TENM3: variants seen among roughly 807,000 people sequenced by gnomAD.
TENM3 encodes teneurin-3.
Under a neutral mutation model 255.1 loss-of-function variants are expected in TENM3, and 63 were observed. The ratio of observed to expected loss-of-function variants is 0.25; its 90% CI spans 0.20 to 0.30. The LOEUF (loss-of-function observed/expected upper bound fraction) is 0.30. Among genes scored for constraint, TENM3 ranks in the 10% least tolerant of loss-of-function variants. TENM3 has a pLI of 1.00. For synonymous variants in TENM3, 1,306 were observed against 1,322.3 expected, an observed-to-expected ratio of 0.99 and a Z score of 0.27; for missense variants, 2,929 against 3,461.1, an observed-to-expected ratio of 0.85 and a Z score of 3.86.
chr4:182,305,747 C>A (rs755929301), intron 1 of TENM3, among the ~76,000 whole-genome samples: 5 of 152,210 alleles, frequency 3.3e-5, no homozygotes, highest in Admixed American at 6.5e-5. Context: ...AATGATCAGA[C>A]TGTGTCCTGT....
chr4:182,688,546 T>C (rs1053995331), intron 12 of TENM3, among the ~76,000 whole-genome samples, 195 bp downstream of exon 12: 6 of 152,362 alleles, frequency 3.9e-5, no homozygotes, highest in South Asian at 2.1e-4. Context: ...CTGTCACAAG[T>C]ATGAGCTATA....
chr4:181,695,676 G>C, the TENM3 span, among the ~76,000 whole-genome samples: 1 of 152,152 alleles, frequency 6.6e-6, no homozygotes, highest in Non-Finnish European at 1.5e-5. Context: ...AGAGATAATT[G>C]TTTTGGGTTG....
chr4:182,384,806 A>T (rs1767799478), intron 3 of TENM3, among the ~76,000 whole-genome samples: 1 of 151,026 alleles, frequency 6.6e-6, no homozygotes. Context: ...GTCCCCCTTT[A>T]TTCCCTCTTG....
At chr4:181,595,438 A>AC in the TENM3 span, among the ~76,000 whole-genome samples, 11 of 148,022 alleles carry the variant, frequency 7.4e-5, no homozygotes, top group African/African-American at 2.4e-4. Flanking sequence ...CCCAAAAAAA[A>AC]AAAAAAAAAA....
chr4:182,679,239 A>G (rs544079636), intron 7 of TENM3, among the ~76,000 whole-genome samples: 1 of 152,304 alleles, frequency 6.6e-6, no homozygotes, highest in African/African-American at 2.4e-5. Flanking sequence ...AATGATGGAT[A>G]CCAGAGGCCG....
the TENM3 span, among the ~76,000 whole-genome samples, chr4:181,715,759 A>G: frequency 1.3e-5 from 2 of 152,214 alleles, no homozygotes; most frequent in African/African-American, 4.8e-5. Context: ...AATTTCCAAA[A>G]TGCCCTAGTG....
chr4:181,849,665 T>G, the TENM3 span, among the ~76,000 whole-genome samples: 1 of 152,196 alleles, frequency 6.6e-6, no homozygotes, highest in African/African-American at 2.4e-5. Flanking sequence ...ATCCTTCAAG[T>G]TGATGTATGT....
At chr4:181,831,510 A>AC in the TENM3 span, among the ~76,000 whole-genome samples, 1 of 151,876 alleles carries the variant, frequency 6.6e-6, no homozygotes, top group African/African-American at 2.4e-5. Context: ...AAAAAAAAAA[A>AC]AACCTGATTT....
At chr4:181,710,372 G>A in the TENM3 span, among the ~76,000 whole-genome samples, 1 of 152,102 alleles carries the variant, frequency 6.6e-6, no homozygotes, top group Non-Finnish European at 1.5e-5. Flanking sequence ...ATGCAGACTG[G>A]GAGGAGCACG....
chr4:182,259,558 C>T (rs1269682981), intron 1 of TENM3, among the ~76,000 whole-genome samples: 1 of 152,158 alleles, frequency 6.6e-6, no homozygotes, highest in Non-Finnish European at 1.5e-5. Flanking sequence ...AGCAAGCATT[C>T]TGCCTCTGCC....
the TENM3 span, among the ~76,000 whole-genome samples, chr4:181,610,449 G>T: frequency 2.2e-4 from 34 of 152,178 alleles, 1 homozygote; most frequent in Admixed American, 1.8e-3. Context: ...CCCGGGTTTT[G>T]TCAACCTAGT....
intron 22 of TENM3, chr4:182,772,487 T>C (rs985106183): frequency 7.2e-5 from 11 of 152,174 alleles, no homozygotes; most frequent in Non-Finnish European, 1.6e-4. Context: ...AGAATCAATC[T>C]GAAATCCACC....
At chr4:181,695,241 C>G in the TENM3 span, among the ~76,000 whole-genome samples, 2 of 151,950 alleles carry the variant, frequency 1.3e-5, no homozygotes, top group Non-Finnish European at 2.9e-5. Flanking sequence ...GGACACATAG[C>G]TAAAGATGGC....
chr4:181,690,490 T>C, the TENM3 span, among the ~76,000 whole-genome samples: 1 of 152,198 alleles, frequency 6.6e-6, no homozygotes, highest in Non-Finnish European at 1.5e-5. Flanking sequence ...AATGGACATA[T>C]AAGCCTTTAA....
intron 1 of TENM3, among the ~76,000 whole-genome samples, chr4:182,150,125 C>T (rs576257781): frequency 4.6e-5 from 7 of 151,278 alleles, no homozygotes; most frequent in African/African-American, 1.5e-4. Context: ...GGGATGGGAT[C>T]ATATTAATAA....
chr4:181,595,443 A>AACAAAAAAAAAAAC, the TENM3 span, among the ~76,000 whole-genome samples: 2 of 130,770 alleles, frequency 1.5e-5, no homozygotes, highest in African/African-American at 6.7e-5. Flanking sequence ...AAAAAAAAAA[A>AACAAAAAAAAAAAC]AAAAAAAAAA....
At chr4:182,506,760 A>G (rs1385815282) in intron 3 of TENM3, among the ~76,000 whole-genome samples, 1 of 152,224 alleles carries the variant, frequency 6.6e-6, no homozygotes, top group Non-Finnish European at 1.5e-5. Flanking sequence ...AGTATGGAGT[A>G]GGTGAACTTG....
intron 12 of TENM3, among the ~76,000 whole-genome samples, chr4:182,692,268 T>C (rs1164056809): frequency 6.6e-6 from 1 of 152,216 alleles, no homozygotes; most frequent in Admixed American, 6.5e-5. Context: ...TAGGCTCTGC[T>C]GAACAGATGG....
chr4:181,719,531 T>A, the TENM3 span, among the ~76,000 whole-genome samples: 1 of 152,214 alleles, frequency 6.6e-6, no homozygotes, highest in Non-Finnish European at 1.5e-5. Flanking sequence ...CACTGTGTCC[T>A]CACACGGTGG....
Sources: allele counts gnomAD v4.1 joint callset (sites outside exome capture counted in the v4.1 genomes callset), GRCh38; gene constraint gnomAD v4.1.1; transcripts MANE v1.5; gene names NCBI Gene and HGNC (gene_info 2026-07-23, HGNC 2026-07-21).